The following PLA2G2C variants were observed in gnomAD, a reference collection of about 807,000 sequenced individuals.
PLA2G2C encodes the protein phospholipase A2 group IIC.
Under a neutral mutation model 14.3 loss-of-function variants are expected in PLA2G2C, and 15 were observed. The observed-to-expected ratio is 1.05, with a 90% CI of 0.70 to 1.62. The LOEUF (loss-of-function observed/expected upper bound fraction) is 1.62, where lower values mean the gene tolerates loss of function less well. PLA2G2C is among the 40% of genes most tolerant of loss of function. The pLI, the probability that PLA2G2C is intolerant of heterozygous loss-of-function variation, is 0.00. For missense variants in PLA2G2C, 162 were observed against 173.2 expected (o/e 0.94, Z 0.36); for synonymous variants, 79 against 67.7 (o/e 1.17, Z -0.82).
At chr1:20,171,776 T>G (rs2018079128) in intron 4 of PLA2G2C, among the ~76,000 whole-genome samples, 1 of 148,332 alleles carries the variant, frequency 6.7e-6, no homozygotes, top group South Asian at 2.2e-4. Flanking sequence ...TTTTTTTTTT[T>G]TTTGAGACGG....
At chr1:20,165,309 C>G (rs1023844043) in intron 4 of PLA2G2C, among the ~76,000 whole-genome samples, 1 of 152,234 alleles carries the variant, frequency 6.6e-6, no homozygotes, top group African/African-American at 2.4e-5. Flanking sequence ...GAGGTGCTCC[C>G]TGACCACCTG....
chr1:20,171,085 GA>G (rs2018065429), intron 4 of PLA2G2C, among the ~76,000 whole-genome samples: 1 of 141,512 alleles, frequency 7.1e-6, no homozygotes, highest in Non-Finnish European at 1.5e-5. Flanking sequence ...GCCCAGGGTG[GA>G]GGCTTGGGCT....
At chr1:20,175,234 A>G in intron 2 of PLA2G2C, 89 bp from the exon 3 acceptor site, 1 of 1,583,776 alleles carries the variant, frequency 6.3e-7, no homozygotes, top group Non-Finnish European at 8.6e-7. Flanking sequence ...TAGAGTGCTG[A>G]GCATTCGAAA....
At position 20,175,023 on chromosome 1, in the gene PLA2G2C, C is replaced by T. The variant is rs751318382; in HGVS notation, c.163G>A (p.Val55Met). The T allele has an allele frequency of 2.4e-5, 39 of 1,613,540 alleles. No homozygotes were observed. The South Asian group carries it at 4.0e-4, about 16-fold the overall frequency. ...TGCACCCACCTGTCAGTGTCATCCA[C>T]GGGGATCCCTTTATCCCCAAGCCCA... Reference protein sequence around the residue: ...YCGLGDKGIPVDDTDRHSPSS... With the variant: ...YCGLGDKGIPMDDTDRHSPSS... Residue 55 changes from valine (V) to methionine (M), a missense_variant, in exon 3 of 5, where the codon GTG becomes ATG. By Grantham distance (21) the Val-to-Met change is conservative. Coordinates refer to ENST00000679259, the MANE Select transcript of PLA2G2C (RefSeq NM_001367969.2).
intron 4 of PLA2G2C, among the ~76,000 whole-genome samples, chr1:20,169,294 C>A (rs61768686): frequency 0.12 from 18,166 of 152,212 alleles, 1,585 homozygotes; most frequent in East Asian, 0.48. Flanking sequence ...CCTCCTATCT[C>A]AGCCTTCTGA....
intron 1 of PLA2G2C, among the ~76,000 whole-genome samples, chr1:20,183,413 C>T (rs1196848302): frequency 1.3e-5 from 2 of 152,144 alleles, no homozygotes; most frequent in Non-Finnish European, 1.5e-5. Context: ...GGGTGGGACT[C>T]TGGGGTCCAG....
chr1:20,164,139 G>A lies in PLA2G2C; in HGVS notation c.302C>T (p.Pro101Leu). The A allele has an allele frequency of 6.2e-7, 1 of 1,613,348 alleles. No individual in the cohort carries two copies. The part of the protein sequence containing the change: ...GAVVCGCTLG[P>L]GASCHCRLKA... ...CAGCCTGCAGTGGCAGCTGGCACCA[G>A]GACCAAGGGTGCATCCACCTACAGA... Residue 101 changes from proline (P) to leucine (L), a missense_variant, in exon 5 of 5, where the codon CCT (proline) becomes CTT (leucine). Pro to Leu is a moderately conservative substitution (Grantham distance 98, BLOSUM62 -3). Coordinates refer to ENST00000679259, the MANE Select transcript of PLA2G2C (RefSeq NM_001367969.2).
At chr1:20,181,604 C>T (rs906723512) in intron 1 of PLA2G2C, among the ~76,000 whole-genome samples, 20 of 151,724 alleles carry the variant, frequency 1.3e-4, no homozygotes, top group African/African-American at 4.8e-4. Flanking sequence ...AAGCAGGTAT[C>T]ACAACACTCT....
chr1:20,174,005 C>A (rs2018135608), intron 3 of PLA2G2C, among the ~76,000 whole-genome samples: 1 of 152,230 alleles, frequency 6.6e-6, no homozygotes, highest in South Asian at 2.1e-4. Flanking sequence ...GGTGGTTTAG[C>A]AACTCACTGT....
intron 4 of PLA2G2C, among the ~76,000 whole-genome samples, chr1:20,170,280 G>C (rs185786051): frequency 6.6e-6 from 1 of 152,358 alleles, no homozygotes; most frequent in East Asian, 1.9e-4. Flanking sequence ...GCACTGAAAA[G>C]GTTCAAGACA....
At chr1:20,171,728 T>G (rs1474959754) in intron 4 of PLA2G2C, among the ~76,000 whole-genome samples, 2 of 151,290 alleles carry the variant, frequency 1.3e-5, no homozygotes, top group African/African-American at 2.4e-5. Context: ...AGGCAGGAAG[T>G]GAGCCACACA....
chr1:20,181,497 T>G (rs2018278618), intron 1 of PLA2G2C, among the ~76,000 whole-genome samples: 1 of 151,938 alleles, frequency 6.6e-6, no homozygotes, highest in Non-Finnish European at 1.5e-5. Flanking sequence ...TGCGTCTGAC[T>G]CCATAGCTGG....
intron 1 of PLA2G2C, among the ~76,000 whole-genome samples, chr1:20,179,639 G>A (rs915469023): frequency 7.0e-6 from 1 of 142,930 alleles, no homozygotes; most frequent in East Asian, 2.1e-4. Flanking sequence ...GTGTGTGTGT[G>A]TTAGCTTGTC....
intron 1 of PLA2G2C, among the ~76,000 whole-genome samples, chr1:20,183,885 T>G (rs972052008): frequency 4.6e-5 from 7 of 152,154 alleles, no homozygotes; most frequent in Non-Finnish European, 2.9e-5. Flanking sequence ...AGTCCACATT[T>G]CAGCTGGCAG....
chr1:20,186,256 G>A (rs1569944972), intron 1 of PLA2G2C, 104 bp downstream of exon 1: 1 of 152,264 alleles, frequency 6.6e-6, no homozygotes, highest in Admixed American at 6.5e-5. Context: ...TCACCCGGGA[G>A]GGCCTCCCCA....
At chr1:20,171,213 C>T (rs1480049053) in intron 4 of PLA2G2C, among the ~76,000 whole-genome samples, 1 of 151,372 alleles carries the variant, frequency 6.6e-6, no homozygotes, top group African/African-American at 2.4e-5. Context: ...CCACCAGGCC[C>T]TGATCCCTTC....
At chr1:20,168,247 G>GCACT (rs1240065905) in intron 4 of PLA2G2C, among the ~76,000 whole-genome samples, 1 of 152,212 alleles carries the variant, frequency 6.6e-6, no homozygotes, top group Non-Finnish European at 1.5e-5. Context: ...AAAGATACGT[G>GCACT]CACTGCCTAT....
In PLA2G2C at chr1:20,186,428, C is replaced by G. The variant is rs1252713077; in HGVS notation, c.-145G>C. 6.6e-6 allele frequency: 1 copy of G among 152,376 alleles called. No homozygotes were observed. Among genetic ancestry groups the G allele is most frequent in the Admixed American group, 6.5e-5 (1 of 15,288 alleles). The allele number at this position is 152,376 out of a possible 1,614,324, so 9.4% of individuals were successfully genotyped here. A position where few individuals can be genotyped will look rare whatever the true frequency, so the allele number is the denominator to read the frequency against. ...GGACCTATGCAACCGCTGGGCCATG[C>G]CCTCCAGGCTGGGATGTAGCGACGG... On this transcript the variant is annotated 5_prime_UTR_variant, in exon 1 of 5. Coordinates refer to ENST00000679259, the MANE Select transcript of PLA2G2C (RefSeq NM_001367969.2).
intron 1 of PLA2G2C, among the ~76,000 whole-genome samples, chr1:20,180,901 A>T (rs1184256916): frequency 1.3e-5 from 2 of 152,176 alleles, no homozygotes; most frequent in Non-Finnish European, 2.9e-5. Flanking sequence ...AGCTTTTATC[A>T]ACAGTAATGA....
Sources: gnomAD v4.1 joint callset for allele counts (sites outside exome capture counted in the v4.1 genomes callset) on GRCh38, gnomAD v4.1.1 for gene constraint, MANE v1.5 for transcripts, NCBI Gene and HGNC (gene_info 2026-07-23, HGNC 2026-07-21) for gene names.